The following VEPH1 variants were observed in gnomAD, a reference collection of about 807,000 sequenced individuals.
VEPH1 encodes the protein ventricular zone expressed PH domain containing 1.
In VEPH1, 80 loss-of-function variants were observed where a neutral mutation model predicts 85.2. That is an observed-to-expected ratio of 0.94 (90% CI 0.78 to 1.13). VEPH1 has a LOEUF of 1.13. Ranked by LOEUF, VEPH1 falls within the 50% of genes most tolerant of loss-of-function variation. VEPH1 has a pLI of 0.00. For missense variants in VEPH1, 955 were observed against 980.5 expected (o/e 0.97, Z 0.35); for synonymous variants, 297 against 348.0 (o/e 0.85, Z 1.63).
intron 13 of VEPH1, among the ~76,000 whole-genome samples, chr3:157,262,294 T>C (rs1363314243): frequency 6.6e-6 from 1 of 152,174 alleles, no homozygotes; most frequent in African/African-American, 2.4e-5. Flanking sequence ...ATGAGATACA[T>C]TTTCAATAAT....
chr3:157,272,983 G>A (rs568247110), intron 12 of VEPH1, among the ~76,000 whole-genome samples: 1 of 152,294 alleles, frequency 6.6e-6, no homozygotes, highest in South Asian at 2.1e-4. Flanking sequence ...TACAGACATG[G>A]TGGTGATTCC....
At chr3:157,497,140 G>A (rs1422985467) in intron 1 of VEPH1, among the ~76,000 whole-genome samples, 1 of 152,108 alleles carries the variant, frequency 6.6e-6, no homozygotes, top group East Asian at 1.9e-4. Flanking sequence ...ATGAAATATT[G>A]ACTCCATGTA....
At chr3:157,438,003 G>A in intron 4 of VEPH1, 1 of 1,452,098 alleles carries the variant, frequency 6.9e-7, no homozygotes, top group South Asian at 1.3e-5. Flanking sequence ...AACCTTCTAG[G>A]GGAAGCTTTC....
At chr3:157,452,719 C>A (rs867461874) in intron 4 of VEPH1, among the ~76,000 whole-genome samples, 1 of 152,114 alleles carries the variant, frequency 6.6e-6, no homozygotes, top group Non-Finnish European at 1.5e-5. Context: ...GTGTATTTGG[C>A]GGTGCTAAGA....
At chr3:157,314,248 G>A (rs1232468439) in intron 10 of VEPH1, among the ~76,000 whole-genome samples, 1 of 143,232 alleles carries the variant, frequency 7.0e-6, no homozygotes, top group African/African-American at 2.6e-5. Context: ...CAGGAGAATT[G>A]CTTGAAGCCG....
intron 10 of VEPH1, 129 bp from the exon 11 acceptor site, chr3:157,313,884 A>G (rs1426858129): frequency 2.4e-5 from 29 of 1,184,962 alleles, no homozygotes; most frequent in Non-Finnish European, 3.5e-6. Flanking sequence ...ATGAAACAAG[A>G]AAAAGATCTG....
intron 12 of VEPH1, among the ~76,000 whole-genome samples, chr3:157,276,665 A>G (rs1715443214): frequency 6.6e-6 from 1 of 152,234 alleles, no homozygotes; most frequent in African/African-American, 2.4e-5. Context: ...ATAGGGTTAC[A>G]GAAAAAATGT....
intron 3 of VEPH1, among the ~76,000 whole-genome samples, chr3:157,467,447 A>G (rs1291673580): frequency 6.6e-6 from 1 of 152,160 alleles, no homozygotes; most frequent in African/African-American, 2.4e-5. Flanking sequence ...GGATTTCTAC[A>G]CGTTCCCCAC....
intron 4 of VEPH1, among the ~76,000 whole-genome samples, chr3:157,435,123 G>C (rs935494252): frequency 6.6e-6 from 1 of 150,616 alleles, no homozygotes; most frequent in Non-Finnish European, 1.5e-5. Context: ...AAATCACCTA[G>C]CCTTTTTCTT....
chr3:157,308,848 AGAT>A (rs1719798711), intron 11 of VEPH1, among the ~76,000 whole-genome samples: 1 of 152,106 alleles, frequency 6.6e-6, no homozygotes, highest in Non-Finnish European at 1.5e-5. Context: ...CTCATTTGTA[AGAT>A]GATAATAATA....
rs576998958 is a variant in VEPH1 at position 157,347,060 on chromosome 3, C to A, written c.1735+16304G>T. 3.9e-5 allele frequency among the ~76,000 whole-genome samples: 6 copies of A among 152,230 alleles called. No individual in the cohort carries two copies. The East Asian group carries it at 1.2e-3, about 29-fold the overall frequency. ...TAGAAACAATAACATCTTAAGCATT[C>A]AATGTACATTTGATACTTGAATTAC... On this transcript the variant is annotated intron_variant, in intron 9 of 13. Transcript: ENST00000362010.
intron 5 of VEPH1, 54 bp downstream of exon 5, chr3:157,428,268 A>C: frequency 6.3e-7 from 1 of 1,594,322 alleles, no homozygotes; most frequent in Non-Finnish European, 8.6e-7. Context: ...CTGTTCACAC[A>C]CAAAGAAACA....
intron 4 of VEPH1, chr3:157,443,245 A>C: frequency 5.5e-6 from 2 of 363,454 alleles, no homozygotes; most frequent in Non-Finnish European, 9.9e-6. Flanking sequence ...ATAAACTCTC[A>C]AATAATTAAA....
At chr3:157,279,076 T>C (rs986026049) in intron 12 of VEPH1, among the ~76,000 whole-genome samples, 1 of 151,932 alleles carries the variant, frequency 6.6e-6, no homozygotes, top group South Asian at 2.1e-4. Flanking sequence ...GTCAAGTAAG[T>C]GGTAGGTGAT....
intron 6 of VEPH1, among the ~76,000 whole-genome samples, chr3:157,386,303 C>G (rs990554622): frequency 4.7e-4 from 40 of 84,670 alleles, no homozygotes; most frequent in African/African-American, 1.7e-3. Context: ...AGGCAAATAA[C>G]ACAAGGTTTT....
At chr3:157,395,792 A>G (rs1362613763) in intron 6 of VEPH1, among the ~76,000 whole-genome samples, 1 of 152,010 alleles carries the variant, frequency 6.6e-6, no homozygotes, top group Non-Finnish European at 1.5e-5. Flanking sequence ...GGTTTGTTGT[A>G]CATATTATTT....
chr3:157,265,959 T>C (rs977277559), intron 12 of VEPH1, among the ~76,000 whole-genome samples: 2 of 151,038 alleles, frequency 1.3e-5, no homozygotes, highest in Admixed American at 1.3e-4. Context: ...TTTCTGTGCT[T>C]GGTTTCTTTG....
intron 8 of VEPH1, 114 bp downstream of exon 8, chr3:157,364,189 C>T: frequency 2.6e-6 from 2 of 755,098 alleles, no homozygotes; most frequent in Non-Finnish European, 4.2e-6. Flanking sequence ...AAGGATGGCA[C>T]TTTGGGTGGC....
chr3:157,482,545 A>G (rs1390012824), intron 2 of VEPH1, among the ~76,000 whole-genome samples: 1 of 152,074 alleles, frequency 6.6e-6, no homozygotes, highest in Non-Finnish European at 1.5e-5. Flanking sequence ...TTTGATAGGA[A>G]TTGTGTTGAA....
Sources: gnomAD v4.1 joint callset for allele counts (sites outside exome capture counted in the v4.1 genomes callset) on GRCh38, gnomAD v4.1.1 for gene constraint, MANE v1.5 for transcripts, NCBI Gene and HGNC (gene_info 2026-07-23, HGNC 2026-07-21) for gene names.